Variants in FCHSD2 observed in about 807,000 individuals in gnomAD.
FCHSD2 encodes FCH and double SH3 domains 2.
In FCHSD2, 38 loss-of-function variants were observed where a neutral mutation model predicts 108.1. That is an observed-to-expected ratio of 0.35 (90% CI 0.27 to 0.46). The LOEUF (loss-of-function observed/expected upper bound fraction) is 0.46, where lower values mean the gene tolerates loss of function less well. Ranked by LOEUF, FCHSD2 falls within the 20% of genes least tolerant of loss-of-function variation. FCHSD2 has a pLI of 1.00. For missense variants in FCHSD2, 751 were observed against 897.8 expected (o/e 0.84, Z 2.09); for synonymous variants, 279 against 314.7 (o/e 0.89, Z 1.20).
chr11:72,947,104 A>G (rs1352673398), intron 8 of FCHSD2, among the ~76,000 whole-genome samples: 6 of 152,262 alleles, frequency 3.9e-5, no homozygotes, highest in South Asian at 4.1e-4. Context: ...CTGGTTTAAC[A>G]GCTGCATGCC....
At chr11:73,077,177 T>C (rs912029065) in intron 3 of FCHSD2, among the ~76,000 whole-genome samples, 2 of 151,180 alleles carry the variant, frequency 1.3e-5, no homozygotes, top group African/African-American at 4.9e-5. Flanking sequence ...CACATATGTT[T>C]GAAAACTTTA....
intron 3 of FCHSD2, among the ~76,000 whole-genome samples, chr11:73,032,566 G>A (rs1159864446): frequency 6.6e-6 from 1 of 150,506 alleles, no homozygotes; most frequent in Non-Finnish European, 1.5e-5. Context: ...TAAAGCAAAT[G>A]TTTATTACCT....
At chr11:73,069,821 C>T (rs1565395541) in intron 3 of FCHSD2, among the ~76,000 whole-genome samples, 1 of 152,076 alleles carries the variant, frequency 6.6e-6, no homozygotes, top group Non-Finnish European at 1.5e-5. Flanking sequence ...TGGGTACCAG[C>T]AAGGCAAATA....
At chr11:73,131,536 A>AG (rs1861002286) in intron 2 of FCHSD2, among the ~76,000 whole-genome samples, 1 of 151,616 alleles carries the variant, frequency 6.6e-6, no homozygotes, top group Non-Finnish European at 1.5e-5. Flanking sequence ...CTCAAAAAAA[A>AG]TAAAAATTAC....
At chr11:73,072,102 G>A (rs943939043) in intron 3 of FCHSD2, among the ~76,000 whole-genome samples, 13 of 150,878 alleles carry the variant, frequency 8.6e-5, no homozygotes, top group African/African-American at 2.9e-4. Flanking sequence ...TGTATAAAAG[G>A]AGCCAAAATA....
At chr11:73,113,424 A>G (rs1009890921) in intron 2 of FCHSD2, among the ~76,000 whole-genome samples, 1 of 118,826 alleles carries the variant, frequency 8.4e-6, no homozygotes. Flanking sequence ...ATTGGAGTGC[A>G]GTGATGTGAT....
intron 2 of FCHSD2, among the ~76,000 whole-genome samples, chr11:73,117,135 T>C (rs528410608): frequency 6.6e-5 from 10 of 152,386 alleles, no homozygotes; most frequent in African/African-American, 2.2e-4. Context: ...CTGGTATTTA[T>C]AAGCTGGTAC....
intron 5 of FCHSD2, among the ~76,000 whole-genome samples, chr11:72,995,708 CAA>C (rs760202806): frequency 7.9e-4 from 50 of 63,006 alleles, no homozygotes; most frequent in Middle Eastern, 9.1e-3. Context: ...AATTCTGTCT[CAA>C]AAAAAAAAAA....
chr11:72,915,944 T>A (rs992191961), intron 9 of FCHSD2, among the ~76,000 whole-genome samples: 1 of 152,174 alleles, frequency 6.6e-6, no homozygotes, highest in Non-Finnish European at 1.5e-5. Flanking sequence ...GAGGCCACTA[T>A]CCTTAGCAAA....
chr11:73,130,386 T>C (rs1860968652), intron 2 of FCHSD2, among the ~76,000 whole-genome samples: 1 of 152,226 alleles, frequency 6.6e-6, no homozygotes, highest in African/African-American at 2.4e-5. Context: ...GCACGTGCTA[T>C]GGTGCCAGAC....
intron 8 of FCHSD2, among the ~76,000 whole-genome samples, chr11:72,958,320 C>G (rs1008421628): frequency 6.6e-6 from 1 of 152,108 alleles, no homozygotes; most frequent in African/African-American, 2.4e-5. Flanking sequence ...GAGTTTGAGA[C>G]CAGCCTGGCC....
rs1425093711 is a variant in FCHSD2, at chr11:72,873,191, C to T, written c.1147-5165G>A. Among the ~76,000 whole-genome samples the T allele has an allele frequency of 6.6e-5, 10 of 151,952 alleles. No homozygotes were observed. In the South Asian group the frequency reaches 1.5e-3, roughly 22 times the overall value. On this transcript the variant is annotated intron_variant, in intron 12 of 19. Transcript: ENST00000409418. The stretch of plus-strand genomic sequence containing the variant: ...AAAAATACAAAAAATTAGCCGGACA[C>T]GGTGGCGGGTGCCTGTAATCCCAGC...
rs138191331 is a variant in FCHSD2 at position 72,882,672 on chromosome 11, T to C, written c.1146+4798A>G. Among the ~76,000 whole-genome samples, 1,081 of 152,328 alleles carry C rather than the reference T, an allele frequency of 7.1e-3. 13 individuals are homozygous for C. The highest frequency in any genetic ancestry group is 0.025 in the African/African-American group (1,037 of 41,576). On this transcript the variant is annotated intron_variant, in intron 12 of 19. Transcript: ENST00000409418. Reference sequence around the variant, plus strand: ...CTCATAAATATGTACAATTATTTTGTATCAATAAAAAATTAAGAAGCCAAA... The same window carrying C: ...CTCATAAATATGTACAATTATTTTGCATCAATAAAAAATTAAGAAGCCAAA...
intron 5 of FCHSD2, among the ~76,000 whole-genome samples, chr11:72,998,816 A>G (rs990440418): frequency 1.8e-4 from 28 of 152,224 alleles, no homozygotes; most frequent in African/African-American, 6.5e-4. Flanking sequence ...CTTTAAAAGG[A>G]TAACAGATGT....
intron 9 of FCHSD2, among the ~76,000 whole-genome samples, chr11:72,908,429 C>G (rs1364350009): frequency 1.3e-5 from 2 of 152,142 alleles, no homozygotes; most frequent in Admixed American, 1.3e-4. Flanking sequence ...TAAGGCAGTT[C>G]TATTTTTAGT....
At chr11:72,943,962 T>A (rs546939221) in intron 8 of FCHSD2, among the ~76,000 whole-genome samples, 1 of 152,184 alleles carries the variant, frequency 6.6e-6, no homozygotes, top group Non-Finnish European at 1.5e-5. Context: ...TAACTTCTAT[T>A]GCATGACATG....
chr11:72,962,988 C>T (rs184924083), intron 8 of FCHSD2, among the ~76,000 whole-genome samples: 8 of 152,250 alleles, frequency 5.3e-5, no homozygotes, highest in African/African-American at 1.7e-4. Flanking sequence ...AACTGCTTAC[C>T]TGTGTGAGCT....
At chr11:72,983,574 AT>A (rs1372906940) in intron 8 of FCHSD2, among the ~76,000 whole-genome samples, 1 of 152,228 alleles carries the variant, frequency 6.6e-6, no homozygotes, top group Non-Finnish European at 1.5e-5. Flanking sequence ...ATAAAAATAT[AT>A]TTTTAATAGA....
rs556834130 is a variant in FCHSD2, at chr11:72,848,038, G to A, written c.1443+1717C>T. The stretch of plus-strand genomic sequence containing the variant: ...TTTCTTTGTTCTCACCAGATTATTC[G>A]AGGCCTCCTTTTTGGTCTGGACTAT... On this transcript the variant is annotated intron_variant, in intron 14 of 19. Transcript: ENST00000409418. Among the ~76,000 whole-genome samples the A allele has an allele frequency of 3.9e-5, 6 of 152,124 alleles. No homozygotes were observed. The South Asian group carries it at 1.0e-3, about 26-fold the overall frequency.
Sources: allele counts gnomAD v4.1 joint callset (sites outside exome capture counted in the v4.1 genomes callset), GRCh38; gene constraint gnomAD v4.1.1; transcripts MANE v1.5; gene names NCBI Gene and HGNC (gene_info 2026-07-23, HGNC 2026-07-21).